AGBL4: variants seen among roughly 807,000 people sequenced by gnomAD.
AGBL4 encodes cytosolic carboxypeptidase 6.
AGBL4 carries 58 observed loss-of-function variants against 66.4 expected under a neutral mutation model. That is an observed-to-expected ratio of 0.87 (90% confidence interval 0.71 to 1.09). The LOEUF is 1.09. Among genes scored for constraint, AGBL4 ranks in the 50% least tolerant of loss-of-function variants. The pLI is 0.00. For missense variants in AGBL4, 579 were observed against 631.0 expected (o/e 0.92, Z 0.88); for synonymous variants, 234 against 222.9 (o/e 1.05, Z -0.44).
intron 2 of AGBL4, among the ~76,000 whole-genome samples, chr1:49,702,055 T>C (rs1297021432): frequency 6.6e-6 from 1 of 151,550 alleles, no homozygotes; most frequent in Non-Finnish European, 1.5e-5. Flanking sequence ...CAAACAAAGT[T>C]GACTAAAAAT....
At chr1:49,676,894 A>G (rs76879179) in intron 3 of AGBL4, among the ~76,000 whole-genome samples, 8,099 of 152,188 alleles carry the variant, frequency 0.053, 244 homozygotes, top group African/African-American at 0.071. Context: ...TAATAATAAC[A>G]GCAAAGGATG....
intron 6 of AGBL4, among the ~76,000 whole-genome samples, chr1:48,749,917 G>A (rs923473333): frequency 6.6e-6 from 1 of 152,218 alleles, no homozygotes; most frequent in African/African-American, 2.4e-5. Flanking sequence ...GGGTTGGGGG[G>A]CTAAGGAGTT....
intron 4 of AGBL4, among the ~76,000 whole-genome samples, chr1:49,136,895 C>G (rs143550833): frequency 4.5e-4 from 69 of 152,188 alleles, no homozygotes; most frequent in African/African-American, 1.6e-3. Flanking sequence ...GCTAGTCTTT[C>G]AGATAATCAG....
At chr1:48,861,619 C>T (rs969707135) in intron 6 of AGBL4, among the ~76,000 whole-genome samples, 2 of 152,206 alleles carry the variant, frequency 1.3e-5, no homozygotes, top group South Asian at 4.1e-4. Context: ...ACTGTGAATT[C>T]TACTGCTGTT....
At chr1:49,956,958 T>C (rs1228110132) in intron 1 of AGBL4, among the ~76,000 whole-genome samples, 3 of 152,006 alleles carry the variant, frequency 2.0e-5, no homozygotes, top group Non-Finnish European at 4.4e-5. Flanking sequence ...AATTTGTCTA[T>C]ACAGTGTCAG....
At chr1:48,890,452 T>A (rs1202124764) in intron 5 of AGBL4, among the ~76,000 whole-genome samples, 1 of 152,216 alleles carries the variant, frequency 6.6e-6, no homozygotes, top group Admixed American at 6.5e-5. Flanking sequence ...TAAGAATCTA[T>A]GTATATATTC....
intron 2 of AGBL4, among the ~76,000 whole-genome samples, chr1:49,714,689 G>T (rs1031656463): frequency 3.0e-4 from 45 of 150,460 alleles, no homozygotes; most frequent in African/African-American, 1.1e-3. Flanking sequence ...TGGACTCTTG[G>T]ATTGATTCCA....
chr1:48,713,589 C>T (rs72902890), intron 6 of AGBL4, among the ~76,000 whole-genome samples: 9,367 of 152,180 alleles, frequency 0.062, 402 homozygotes, highest in African/African-American at 0.13. Flanking sequence ...CAGTCCTCTG[C>T]GTACGGGGCA....
At chr1:49,882,608 A>C (rs1002081036) in intron 1 of AGBL4, among the ~76,000 whole-genome samples, 44 of 152,104 alleles carry the variant, frequency 2.9e-4, no homozygotes, top group African/African-American at 4.3e-4. Context: ...CTTCACATCC[A>C]TTGTAAGTTG....
intron 3 of AGBL4, among the ~76,000 whole-genome samples, chr1:49,646,213 G>A (rs935148461): frequency 5.9e-5 from 9 of 151,792 alleles, no homozygotes; most frequent in Non-Finnish European, 1.2e-4. Context: ...CATGGAGATT[G>A]AAAGAAAAGA....
chr1:48,588,798 CAGAGAAGAGAAGAGAAGAGAAGAGA>C lies in AGBL4; in HGVS notation c.1105-1657_1105-1633del, dbSNP rs547681818. On this transcript the variant is annotated intron_variant, in intron 10 of 13. Coordinates refer to ENST00000371839, the MANE Select transcript of AGBL4 (RefSeq NM_032785.4). ...TGTTTTAGAGTTGGGCATTGAGGAT[CAGAGAAGAGAAGAGAAGAGAAGAGA>C]AGAGAAGAGAAGAGAAGAGAAGAGA... Among the ~76,000 whole-genome samples the C allele has an allele frequency of 2.3e-4, 26 of 113,210 alleles. No homozygotes were observed. In the South Asian group the frequency reaches 2.6e-3, roughly 11 times the overall value. The allele number at this position is 113,210 out of a possible 152,430, so 74.3% of individuals were successfully genotyped here.
intron 6 of AGBL4, among the ~76,000 whole-genome samples, chr1:48,719,896 G>A (rs1319992922): frequency 6.6e-6 from 1 of 152,160 alleles, no homozygotes; most frequent in Non-Finnish European, 1.5e-5. Context: ...AGAGGTCAGA[G>A]TTCTCAAACT....
At chr1:49,596,290 C>A (rs1001600537) in intron 3 of AGBL4, among the ~76,000 whole-genome samples, 3 of 152,166 alleles carry the variant, frequency 2.0e-5, no homozygotes, top group Non-Finnish European at 4.4e-5. Flanking sequence ...GATTAAGCCT[C>A]CTGAGTAGCT....
intron 2 of AGBL4, among the ~76,000 whole-genome samples, chr1:49,798,697 T>C (rs922960210): frequency 6.6e-6 from 1 of 152,204 alleles, no homozygotes; most frequent in African/African-American, 2.4e-5. Context: ...TAATTTAATA[T>C]TGACATTTGC....
chr1:49,925,835 C>G (rs2148251107), intron 1 of AGBL4, among the ~76,000 whole-genome samples: 1 of 152,268 alleles, frequency 6.6e-6, no homozygotes, highest in African/African-American at 2.4e-5. Context: ...TGTCTTGTGT[C>G]TTGGATGCCA....
chr1:49,695,449 T>C (rs1376833820), intron 3 of AGBL4, among the ~76,000 whole-genome samples: 1 of 152,132 alleles, frequency 6.6e-6, no homozygotes, highest in Non-Finnish European at 1.5e-5. Flanking sequence ...ACACAGACTT[T>C]GGAAAATATA....
At chr1:49,574,891 G>A (rs1644405817) in intron 3 of AGBL4, among the ~76,000 whole-genome samples, 1 of 151,870 alleles carries the variant, frequency 6.6e-6, no homozygotes, top group Admixed American at 6.6e-5. Context: ...AAGACTTCAA[G>A]GTTGAATGGA....
At chr1:49,671,307 T>A (rs1047538386) in intron 3 of AGBL4, among the ~76,000 whole-genome samples, 4 of 152,266 alleles carry the variant, frequency 2.6e-5, no homozygotes, top group African/African-American at 9.6e-5. Context: ...CTAGACCCCT[T>A]CCTTACACTA....
intron 4 of AGBL4, among the ~76,000 whole-genome samples, chr1:49,131,947 T>C (rs1049804820): frequency 6.6e-6 from 1 of 152,052 alleles, no homozygotes; most frequent in African/African-American, 2.4e-5. Flanking sequence ...GTAATATAGG[T>C]CTGTATCTAA....
Sources: gnomAD v4.1 joint callset for allele counts (sites outside exome capture counted in the v4.1 genomes callset) on GRCh38, gnomAD v4.1.1 for gene constraint, MANE v1.5 for transcripts, NCBI Gene and HGNC (gene_info 2026-07-23, HGNC 2026-07-21) for gene names.